Variants in PPP3CA observed in about 807,000 individuals in gnomAD.
The protein encoded by PPP3CA is protein phosphatase 3 catalytic subunit alpha, also known as CAM-PRP catalytic subunit.
PPP3CA carries 14 observed loss-of-function variants against 66.5 expected under a neutral mutation model. The ratio of observed to expected loss-of-function variants is 0.21; its 90% confidence interval spans 0.14 to 0.33. PPP3CA has a LOEUF of 0.33. PPP3CA is among the 10% of genes least tolerant of loss of function. PPP3CA has a pLI of 1.00. For missense variants in PPP3CA, 317 were observed against 639.5 expected (o/e 0.50, Z 5.44); for synonymous variants, 232 against 226.2 (o/e 1.03, Z -0.23).
intron 6 of PPP3CA, among the ~76,000 whole-genome samples, chr4:101,088,982 T>C (rs2110245438): frequency 6.6e-6 from 1 of 152,236 alleles, no homozygotes; most frequent in East Asian, 1.9e-4. Flanking sequence ...ACAGGAGGAA[T>C]TTTCAGTGGG....
chr4:101,151,388 C>T (rs1350218453), intron 2 of PPP3CA, among the ~76,000 whole-genome samples: 2 of 151,590 alleles, frequency 1.3e-5, no homozygotes, highest in African/African-American at 2.4e-5. Flanking sequence ...GGTGAAACAC[C>T]GTCTCTACTA....
At chr4:101,035,332 A>ACAAC (rs1238590902) in intron 11 of PPP3CA, among the ~76,000 whole-genome samples, 1 of 152,106 alleles carries the variant, frequency 6.6e-6, no homozygotes, top group African/African-American at 2.4e-5. Flanking sequence ...AAAAACAATT[A>ACAAC]CAACCCATAA....
chr4:101,304,072 G>T (rs1728462541), intron 1 of PPP3CA, among the ~76,000 whole-genome samples: 1 of 152,024 alleles, frequency 6.6e-6, no homozygotes, highest in South Asian at 2.1e-4. Flanking sequence ...TGTTTATGGT[G>T]TCTTTTATAA....
intron 11 of PPP3CA, among the ~76,000 whole-genome samples, chr4:101,033,579 T>C (rs1241300530): frequency 6.6e-6 from 1 of 152,224 alleles, no homozygotes; most frequent in Non-Finnish European, 1.5e-5. Flanking sequence ...ATATTTCTAG[T>C]TTAACCATTC....
chr4:101,029,347 T>TAAAAAAAAAAAAACA (rs1726817238), intron 12 of PPP3CA, 152 bp from the exon 13 acceptor site: 1 of 78,820 alleles, frequency 1.3e-5, no homozygotes, highest in Non-Finnish European at 2.1e-5. Flanking sequence ...ACAGAAATGC[T>TAAAAAAAAAAAAACA]AAAAAAAAAA....
At chr4:101,266,117 T>A (rs1160075505) in intron 1 of PPP3CA, among the ~76,000 whole-genome samples, 2 of 152,128 alleles carry the variant, frequency 1.3e-5, no homozygotes, top group Non-Finnish European at 2.9e-5. Context: ...TAATAATAAT[T>A]AATAATTCCA....
At chr4:101,225,548 G>A (rs1725754497) in intron 1 of PPP3CA, among the ~76,000 whole-genome samples, 1 of 151,716 alleles carries the variant, frequency 6.6e-6, no homozygotes, top group African/African-American at 2.4e-5. Flanking sequence ...CAGTTATTTG[G>A]ATTTTAAATA....
chr4:101,076,874 G>A (rs527372219), intron 8 of PPP3CA, among the ~76,000 whole-genome samples: 2 of 152,306 alleles, frequency 1.3e-5, no homozygotes, highest in African/African-American at 4.8e-5. Flanking sequence ...GTTTCAAAGC[G>A]ATTTCATGCA....
intron 10 of PPP3CA, among the ~76,000 whole-genome samples, chr4:101,050,195 T>C: frequency 6.6e-6 from 1 of 152,080 alleles, no homozygotes; most frequent in East Asian, 1.9e-4. Context: ...TGAAAATGTG[T>C]TGGTTTGCAA....
intron 1 of PPP3CA, among the ~76,000 whole-genome samples, chr4:101,209,599 T>G (rs1725239608): frequency 6.6e-6 from 1 of 152,240 alleles, no homozygotes; most frequent in South Asian, 2.1e-4. Context: ...ATGTATTTTA[T>G]TTATGCACAT....
chr4:101,303,568 C>A (rs1266374808), intron 1 of PPP3CA, among the ~76,000 whole-genome samples: 4 of 151,960 alleles, frequency 2.6e-5, no homozygotes, highest in Non-Finnish European at 5.9e-5. Flanking sequence ...ATATGTAATC[C>A]AAAAATGTTT....
chr4:101,211,764 G>A (rs1302854240), intron 1 of PPP3CA, among the ~76,000 whole-genome samples: 1 of 152,102 alleles, frequency 6.6e-6, no homozygotes, highest in Non-Finnish European at 1.5e-5. Context: ...TGCCTCCTCT[G>A]CCTTTACTCT....
intron 2 of PPP3CA, among the ~76,000 whole-genome samples, chr4:101,194,789 A>G (rs1052915761): frequency 6.6e-6 from 1 of 151,462 alleles, no homozygotes; most frequent in Non-Finnish European, 1.5e-5. Context: ...CTGGTCTCAA[A>G]CTCCTGATCT....
intron 8 of PPP3CA, among the ~76,000 whole-genome samples, chr4:101,076,664 G>A (rs1022904091): frequency 6.6e-6 from 1 of 152,130 alleles, no homozygotes; most frequent in African/African-American, 2.4e-5. Flanking sequence ...GTTGCTCAGG[G>A]CAATGAGGTT....
chr4:101,336,357 G>A (rs1285324689), intron 1 of PPP3CA, among the ~76,000 whole-genome samples: 2 of 151,748 alleles, frequency 1.3e-5, no homozygotes, highest in East Asian at 3.9e-4. Context: ...GATCACTTGA[G>A]GTCAGGAGTT....
intron 6 of PPP3CA, among the ~76,000 whole-genome samples, chr4:101,084,193 AT>A (rs1240846933): frequency 2.0e-5 from 3 of 152,204 alleles, no homozygotes; most frequent in Non-Finnish European, 2.9e-5. Context: ...ACTATATACC[AT>A]TGAAAACATT....
intron 8 of PPP3CA, among the ~76,000 whole-genome samples, chr4:101,078,661 T>C (rs1414842715): frequency 6.6e-6 from 1 of 152,214 alleles, no homozygotes; most frequent in Admixed American, 6.5e-5. Flanking sequence ...TCCTTTATGA[T>C]CATTTGTTTC....
At chr4:101,066,791 C>T (rs1474285063) in intron 8 of PPP3CA, among the ~76,000 whole-genome samples, 1 of 152,148 alleles carries the variant, frequency 6.6e-6, no homozygotes, top group Non-Finnish European at 1.5e-5. Flanking sequence ...CTGCCTCCGA[C>T]TGTCATTGGG....
intron 11 of PPP3CA, among the ~76,000 whole-genome samples, chr4:101,033,051 T>A (rs1727057754): frequency 1.3e-5 from 2 of 152,122 alleles, no homozygotes; most frequent in South Asian, 2.1e-4. Context: ...CAGTTTTAAG[T>A]ACATCATTAT....
Sources: gnomAD v4.1 joint callset for allele counts (sites outside exome capture counted in the v4.1 genomes callset) on GRCh38, gnomAD v4.1.1 for gene constraint, MANE v1.5 for transcripts, NCBI Gene and HGNC (gene_info 2026-07-23, HGNC 2026-07-21) for gene names.